NCKAP5: variants seen among roughly 807,000 people sequenced by gnomAD.
NCKAP5 encodes NCK associated protein 5.
NCKAP5 carries 92 observed loss-of-function variants against 167.0 expected under a neutral mutation model. The observed-to-expected ratio is 0.55, with a 90% CI of 0.47 to 0.66. NCKAP5 has a LOEUF of 0.66. Ranked by LOEUF, NCKAP5 falls within the 30% of genes least tolerant of loss-of-function variation. NCKAP5 has a pLI of 0.00. For synonymous variants in NCKAP5, 891 were observed against 877.4 expected (o/e 1.02, Z -0.27); for missense variants, 2,378 against 2,315.0 (o/e 1.03, Z -0.56).
At chr2:133,402,886 T>C (rs1162916034) in intron 3 of NCKAP5, among the ~76,000 whole-genome samples, 1 of 152,210 alleles carries the variant, frequency 6.6e-6, no homozygotes, top group Non-Finnish European at 1.5e-5. Context: ...GCGATGCAAA[T>C]GGACTAATAC....
intron 4 of NCKAP5, among the ~76,000 whole-genome samples, chr2:133,259,342 G>T (rs1013165371): frequency 1.3e-5 from 2 of 152,028 alleles, no homozygotes; most frequent in African/African-American, 4.8e-5. Context: ...TTCCTTGAAG[G>T]CATTTGTATT....
chr2:132,963,986 T>A, intron 7 of NCKAP5, 117 bp from the exon 8 acceptor site: 1 of 1,171,124 alleles, frequency 8.5e-7, no homozygotes, highest in Non-Finnish European at 1.2e-6. Flanking sequence ...GGCTGGGAGT[T>A]TGCTAAACAA....
intron 19 of NCKAP5, among the ~76,000 whole-genome samples, chr2:132,699,489 C>T (rs1687672918): frequency 6.6e-6 from 1 of 151,998 alleles, no homozygotes; most frequent in Non-Finnish European, 1.5e-5. Context: ...CTCCCCCCTC[C>T]CCACGACAGG....
At chr2:133,245,218 C>T (rs1026546716) in intron 4 of NCKAP5, among the ~76,000 whole-genome samples, 1 of 152,100 alleles carries the variant, frequency 6.6e-6, no homozygotes, top group African/African-American at 2.4e-5. Flanking sequence ...CCAGGACATA[C>T]CCAATTGTCC....
In NCKAP5 at chr2:133,170,914, C is replaced by A. The variant is rs78260957; in HGVS notation, c.208-40803G>T. 1.3e-3 allele frequency among the ~76,000 whole-genome samples: 201 copies of A among 152,232 alleles called. 1 individual carries two copies. Among genetic ancestry groups the A allele is most frequent in the African/African-American group, 4.7e-3 (196 of 41,530 alleles). The stretch of plus-strand genomic sequence containing the variant: ...GTCTCCAGTCCTCTTTAAAACACAA[C>A]CTTCTCCTGGTTTACTCAGGTGACA... On this transcript the variant is annotated intron_variant, in intron 5 of 19. Transcript: ENST00000409261.
chr2:132,837,171 G>C (rs568623027), intron 11 of NCKAP5, among the ~76,000 whole-genome samples: 1 of 152,092 alleles, frequency 6.6e-6, no homozygotes, highest in Non-Finnish European at 1.5e-5. Flanking sequence ...TCCTGTAGCT[G>C]TCCCCACCCT....
chr2:133,128,823 C>G (rs1163331402), intron 6 of NCKAP5, among the ~76,000 whole-genome samples: 2 of 152,104 alleles, frequency 1.3e-5, no homozygotes, highest in East Asian at 3.9e-4. Context: ...GTCTTGAACT[C>G]CTGACCTCAA....
At position 132,783,651 on chromosome 2, in the gene NCKAP5, G is replaced by A. The variant is rs1355384454; in HGVS notation, c.3160C>T (p.Leu1054Phe). The stretch of plus-strand genomic sequence containing the variant: ...CCTATGTCCCTTTGTGGGGTCCCAA[G>A]TGTTTGGCGAGGAGAGGTTTTGGGG... ...GVPKTSPRQTLGTPQRDIGLQ... is the reference protein window; with the variant it reads ...GVPKTSPRQTFGTPQRDIGLQ... The change falls in exon 14 of 20, where the codon CTT becomes TTT. Residue 1054 changes from leucine (L) to phenylalanine (F), a missense_variant. By Grantham distance (22) the Leu-to-Phe change is conservative. Around this residue, in one of 3 missense-constraint regions of NCKAP5, gnomAD observed 1,325 missense variants for 1,274.5 expected, o/e 1.04. Transcript: ENST00000409261. 6.2e-7 allele frequency: 1 copy of A among 1,613,940 alleles called. No individual in the cohort carries two copies. The highest frequency in any genetic ancestry group is 2.2e-5 in the East Asian group (1 of 44,860).
rs372132213 is a variant in NCKAP5, at chr2:133,548,320, C to G, written c.-62+10730G>C. Among the ~76,000 whole-genome samples, 24 of 152,134 alleles carry G rather than the reference C, an allele frequency of 1.6e-4. No homozygotes were observed. The East Asian group carries it at 2.3e-3, about 15-fold the overall frequency. ...AAACACTCTGCAGGATATTATCCAG[C>G]AGAACTTCCCCAATCTAGCAAGGCA... On this transcript the variant is annotated intron_variant, in intron 2 of 19. Coordinates refer to ENST00000409261, the MANE Select transcript of NCKAP5 (RefSeq NM_207363.3).
At chr2:132,689,619 C>T (rs994344986) in intron 19 of NCKAP5, among the ~76,000 whole-genome samples, 3 of 152,134 alleles carry the variant, frequency 2.0e-5, no homozygotes, top group African/African-American at 7.2e-5. Flanking sequence ...TCCTCTCATG[C>T]CCACAGCAGG....
intron 11 of NCKAP5, among the ~76,000 whole-genome samples, chr2:132,857,439 G>T (rs1291089799): frequency 6.6e-6 from 1 of 152,130 alleles, no homozygotes; most frequent in East Asian, 1.9e-4. Context: ...AGCTCAACTG[G>T]TAAGACAAAT....
intron 5 of NCKAP5, among the ~76,000 whole-genome samples, chr2:133,131,746 T>C (rs898160803): frequency 4.6e-5 from 7 of 152,134 alleles, no homozygotes; most frequent in African/African-American, 1.7e-4. Flanking sequence ...AAAAATGTGG[T>C]TGTGGAAGAT....
At chr2:133,207,415 A>G (rs1269177154) in intron 5 of NCKAP5, among the ~76,000 whole-genome samples, 1 of 152,100 alleles carries the variant, frequency 6.6e-6, no homozygotes, top group Non-Finnish European at 1.5e-5. Context: ...GATTTTTCCA[A>G]TGTTAGGCAG....
intron 16 of NCKAP5, among the ~76,000 whole-genome samples, chr2:132,761,321 T>G (rs1327808348): frequency 6.6e-6 from 1 of 152,190 alleles, no homozygotes; most frequent in Non-Finnish European, 1.5e-5. Context: ...GTTTACAAAG[T>G]CTGAAGAGTT....
intron 5 of NCKAP5, among the ~76,000 whole-genome samples, chr2:133,150,433 T>C (rs1179443254): frequency 1.3e-5 from 2 of 152,282 alleles, no homozygotes; most frequent in Middle Eastern, 3.4e-3. Context: ...GGAACTAATA[T>C]AAAGTGTTCT....
chr2:133,454,647 C>T (rs959980082), intron 3 of NCKAP5, among the ~76,000 whole-genome samples: 1 of 151,984 alleles, frequency 6.6e-6, no homozygotes. Flanking sequence ...AATAATCATA[C>T]CTATCATACA....
At chr2:133,188,743 A>G in intron 5 of NCKAP5, among the ~76,000 whole-genome samples, 1 of 152,174 alleles carries the variant, frequency 6.6e-6, no homozygotes, top group East Asian at 1.9e-4. Flanking sequence ...CAATGAGAAC[A>G]AAGACACAAC....
At chr2:133,152,381 T>G (rs2083412842) in intron 5 of NCKAP5, among the ~76,000 whole-genome samples, 1 of 152,324 alleles carries the variant, frequency 6.6e-6, no homozygotes, top group African/African-American at 2.4e-5. Flanking sequence ...GAAGATTTTA[T>G]GTAAGATTAA....
chr2:133,091,469 T>C (rs1316413941), intron 6 of NCKAP5, among the ~76,000 whole-genome samples: 1 of 152,150 alleles, frequency 6.6e-6, no homozygotes, highest in Non-Finnish European at 1.5e-5. Context: ...TGTAAGCTCC[T>C]CTAGATAAAG....
Sources: allele counts gnomAD v4.1 joint callset (sites outside exome capture counted in the v4.1 genomes callset), GRCh38; gene constraint gnomAD v4.1.1; regional missense constraint gnomAD v4.1.1; transcripts MANE v1.5; gene names NCBI Gene and HGNC (gene_info 2026-07-23, HGNC 2026-07-21).